EYS: variants seen among roughly 807,000 people sequenced by gnomAD.
The protein encoded by EYS is EGF-like photoreceptor maintenance factor.
In EYS, 250 loss-of-function variants were observed where a neutral mutation model predicts 282.1. The ratio of observed to expected loss-of-function variants is 0.89; its 90% CI spans 0.80 to 0.98. The LOEUF is 0.98. Among genes scored for constraint, EYS ranks in the 50% least tolerant of loss-of-function variants. The probability of loss-of-function intolerance (pLI) is 0.00; values close to 1 mark genes in which losing one functional copy is unlikely to be tolerated. For missense variants in EYS, 4,016 were observed against 3,709.0 expected (o/e 1.08, Z -2.15); for synonymous variants, 1,355 against 1,282.9 (o/e 1.06, Z -1.20).
chr6:65,395,850 A>AC (rs139015730), intron 7 of EYS, among the ~76,000 whole-genome samples: 9,785 of 151,412 alleles, frequency 0.065, 498 homozygotes, highest in African/African-American at 0.14. Context: ...CCCTTTGAAC[A>AC]CCCCCCATTT....
intron 8 of EYS, among the ~76,000 whole-genome samples, chr6:65,355,493 C>T (rs112888194): frequency 0.016 from 2,403 of 152,186 alleles, 33 homozygotes; most frequent in Non-Finnish European, 0.027. Flanking sequence ...ACCTAAAATG[C>T]TTCTGCACAG....
At chr6:64,609,563 A>G (rs1767043157) in intron 24 of EYS, among the ~76,000 whole-genome samples, 2 of 152,116 alleles carry the variant, frequency 1.3e-5, no homozygotes, top group Non-Finnish European at 2.9e-5. Context: ...TTGGAATCCA[A>G]TCTGTTTTTA....
At chr6:63,863,024 G>A (rs1428550127) in intron 36 of EYS, among the ~76,000 whole-genome samples, 1 of 152,166 alleles carries the variant, frequency 6.6e-6, no homozygotes, top group Non-Finnish European at 1.5e-5. Context: ...ATCAGGATGT[G>A]GTGCCCAGCT....
At chr6:64,817,510 C>T (rs534246362) in intron 21 of EYS, among the ~76,000 whole-genome samples, 2 of 152,242 alleles carry the variant, frequency 1.3e-5, no homozygotes, top group South Asian at 2.1e-4. Flanking sequence ...TTTTTACATG[C>T]AGGGGATACA....
At chr6:65,174,396 A>C (rs562634514) in intron 12 of EYS, among the ~76,000 whole-genome samples, 6 of 151,428 alleles carry the variant, frequency 4.0e-5, no homozygotes, top group African/African-American at 1.4e-4. Flanking sequence ...AATATTTGTA[A>C]TTTCTCTGTC....
chr6:65,541,749 A>T lies in EYS; in HGVS notation c.-332-45756T>A, dbSNP rs192745877. ...ATTAGAAACTATGGTCAGATCTTGTATGCTGCCCAACAATACTGCTTTAAA... is the reference window on the plus strand; with the variant it reads ...ATTAGAAACTATGGTCAGATCTTGTTTGCTGCCCAACAATACTGCTTTAAA... On this transcript the variant is annotated intron_variant, in intron 2 of 42. Coordinates refer to ENST00000503581, the MANE Select transcript of EYS (RefSeq NM_001142800.2). 2.4e-4 allele frequency among the ~76,000 whole-genome samples: 37 copies of T among 152,130 alleles called. No individual in the cohort carries two copies. The East Asian group carries it at 7.2e-3, about 29-fold the overall frequency.
At chr6:65,292,718 C>G (rs1315962416) in intron 12 of EYS, among the ~76,000 whole-genome samples, 1 of 151,604 alleles carries the variant, frequency 6.6e-6, no homozygotes, top group South Asian at 2.1e-4. Flanking sequence ...AGCTGAAATG[C>G]AAACGTGGTT....
rs145836151 is a variant in EYS, at chr6:63,927,525, T to C, written c.7055+56858A>G. On this transcript the variant is annotated intron_variant, in intron 35 of 42. Coordinates refer to ENST00000503581, the MANE Select transcript of EYS (RefSeq NM_001142800.2). ...ACTCGAATTGAGATGGATGTTCCTT[T>C]TTAAATTTTTTCTGTTGTGGGCTGA... 3.0e-4 allele frequency among the ~76,000 whole-genome samples: 46 copies of C among 152,348 alleles called. 1 individual carries two copies. The highest frequency in any genetic ancestry group is 6.8e-3 in the Middle Eastern group (2 of 294).
chr6:65,463,809 T>A lies in EYS; in HGVS notation c.862+26785A>T, dbSNP rs554661818. On this transcript the variant is annotated intron_variant, in intron 5 of 42. Coordinates refer to ENST00000503581, the MANE Select transcript of EYS (RefSeq NM_001142800.2). ...TGACCCATTTATGCCTAGTGTTCCA[T>A]TATTGGAGTGCTAAGCATGTGGGAG... 1.1e-3 allele frequency among the ~76,000 whole-genome samples: 174 copies of A among 152,230 alleles called. 1 individual carries two copies. The highest frequency in any genetic ancestry group is 3.6e-3 in the African/African-American group (150 of 41,558).
Position 64,503,883 on chromosome 6 carries a change from G to T in EYS, c.5645-64531C>A, listed in dbSNP as rs544133265. On this transcript the variant is annotated intron_variant, in intron 26 of 42. Coordinates refer to ENST00000503581, the MANE Select transcript of EYS (RefSeq NM_001142800.2). ...CCTTGCTGTACTCATGATAGTCAGT[G>T]AGTTCTCACAAGATCTGATGGTTTA... Among the ~76,000 whole-genome samples, 36 of 152,260 alleles carry T rather than the reference G, an allele frequency of 2.4e-4. No individual in the cohort carries two copies. In the East Asian group the frequency reaches 6.6e-3, roughly 28 times the overall value.
chr6:65,434,355 C>G (rs1471152498), intron 5 of EYS, among the ~76,000 whole-genome samples: 4 of 150,004 alleles, frequency 2.7e-5, no homozygotes, highest in African/African-American at 7.4e-5. Context: ...GAGTCTCGCT[C>G]TGTTGCCCAG....
intron 8 of EYS, among the ~76,000 whole-genome samples, chr6:65,364,718 G>A (rs188984162): frequency 4.3e-4 from 65 of 151,446 alleles, no homozygotes; most frequent in South Asian, 3.1e-3. Flanking sequence ...CCTTCTCCCC[G>A]GATGACACCA....
At chr6:63,933,454 A>G (rs1284329572) in intron 35 of EYS, among the ~76,000 whole-genome samples, 1 of 152,000 alleles carries the variant, frequency 6.6e-6, no homozygotes, top group Non-Finnish European at 1.5e-5. Context: ...TGATGTGCCC[A>G]CCTCGGCCTC....
chr6:64,075,464 C>G (rs1771736848), intron 32 of EYS, among the ~76,000 whole-genome samples: 1 of 151,838 alleles, frequency 6.6e-6, no homozygotes, highest in South Asian at 2.1e-4. Flanking sequence ...TTGTGCCTAA[C>G]CAGTAAAAAA....
chr6:64,867,141 A>G (rs1450436859), intron 19 of EYS, among the ~76,000 whole-genome samples: 3 of 151,842 alleles, frequency 2.0e-5, no homozygotes, highest in Non-Finnish European at 4.4e-5. Flanking sequence ...GCATAAAAAT[A>G]TCAAAAAGAC....
At chr6:64,755,636 T>G (rs1304357648) in intron 22 of EYS, among the ~76,000 whole-genome samples, 1 of 151,642 alleles carries the variant, frequency 6.6e-6, no homozygotes, top group Admixed American at 6.6e-5. Context: ...GCAACATAAT[T>G]CATAAACAGA....
Position 64,781,401 on chromosome 6 carries a change from C to A in EYS, c.3443+31977G>T, listed in dbSNP as rs115726861. On this transcript the variant is annotated intron_variant, in intron 22 of 42. Transcript: ENST00000503581. ...GTTTAACGATTATTTATCAATCAAA[C>A]CTCCTATAAGATATATGAAATGACA... Among the ~76,000 whole-genome samples, 122 of 151,988 alleles carry A rather than the reference C, an allele frequency of 8.0e-4. No individual in the cohort carries two copies. The Middle Eastern group carries it at 0.01, about 13-fold the overall frequency.
At chr6:65,151,589 T>G (rs1052897150) in intron 12 of EYS, among the ~76,000 whole-genome samples, 87 of 152,118 alleles carry the variant, frequency 5.7e-4, no homozygotes, top group African/African-American at 2.0e-3. Flanking sequence ...AGAATAAGTA[T>G]AAGCCCTCAG....
rs139896288 is a variant in EYS at position 63,959,652 on chromosome 6, T to A, written c.7055+24731A>T. Among the ~76,000 whole-genome samples, 1,518 of 152,292 alleles carry A rather than the reference T, an allele frequency of 1.0e-2. 13 individuals carry two copies. The highest frequency in any genetic ancestry group is 0.055 in the East Asian group (284 of 5,182). Reference sequence around the variant, plus strand: ...GATATACTGGATAAAGGAAACGTGGTACATATACACCATGGAATACTATGC... The same window carrying A: ...GATATACTGGATAAAGGAAACGTGGAACATATACACCATGGAATACTATGC... On this transcript the variant is annotated intron_variant, in intron 35 of 42. Coordinates refer to ENST00000503581, the MANE Select transcript of EYS (RefSeq NM_001142800.2).
Sources: allele counts gnomAD v4.1 joint callset (sites outside exome capture counted in the v4.1 genomes callset), GRCh38; gene constraint gnomAD v4.1.1; transcripts MANE v1.5; gene names NCBI Gene and HGNC (gene_info 2026-07-23, HGNC 2026-07-21).